The following XKR4 variants were observed in gnomAD, a reference collection of about 807,000 sequenced individuals.
XKR4 encodes the protein XK-related protein 4.
XKR4 carries 12 observed loss-of-function variants against 53.9 expected under a neutral mutation model. The observed-to-expected ratio is 0.22, with a 90% CI of 0.14 to 0.36. XKR4 has a LOEUF of 0.36. Ranked by LOEUF, XKR4 falls within the 10% of genes least tolerant of loss-of-function variation. The pLI, the probability that XKR4 is intolerant of heterozygous loss-of-function variation, is 1.00. For synonymous variants in XKR4, 354 were observed against 362.4 expected (o/e 0.98, Z 0.26); for missense variants, 799 against 859.5 (o/e 0.93, Z 0.88).
chr8:55,512,128 C>G (rs377155783), intron 2 of XKR4, among the ~76,000 whole-genome samples: 11 of 152,232 alleles, frequency 7.2e-5, no homozygotes, highest in African/African-American at 2.7e-4. Flanking sequence ...AGGCACGCAG[C>G]TCCAGAAGTG....
At chr8:55,234,599 A>T (rs1818092506) in intron 1 of XKR4, among the ~76,000 whole-genome samples, 1 of 152,008 alleles carries the variant, frequency 6.6e-6, no homozygotes, top group African/African-American at 2.4e-5. Flanking sequence ...AATTTGCATC[A>T]CTCCAGTAGT....
intron 2 of XKR4, among the ~76,000 whole-genome samples, chr8:55,449,164 A>C (rs183062023): frequency 1.1e-4 from 16 of 151,424 alleles, no homozygotes; most frequent in Non-Finnish European, 8.8e-5. Flanking sequence ...AGATTTATTT[A>C]TTTATTTATT....
At chr8:55,353,842 A>G (rs958525097) in intron 1 of XKR4, among the ~76,000 whole-genome samples, 14 of 152,172 alleles carry the variant, frequency 9.2e-5, no homozygotes, top group African/African-American at 3.4e-4. Flanking sequence ...GGTGGGAGAA[A>G]GAGATCTGCC....
At chr8:55,203,050 A>G (rs969882313) in intron 1 of XKR4, among the ~76,000 whole-genome samples, 3 of 152,224 alleles carry the variant, frequency 2.0e-5, no homozygotes, top group African/African-American at 7.2e-5. Flanking sequence ...GCAAGGTACA[A>G]ACAATTTCAG....
intron 1 of XKR4, among the ~76,000 whole-genome samples, chr8:55,231,895 A>G (rs995529021): frequency 2.6e-5 from 4 of 152,160 alleles, no homozygotes; most frequent in African/African-American, 9.7e-5. Context: ...GAGTTTAGAG[A>G]GCTTGAGATG....
chr8:55,429,246 T>C (rs954010264), intron 2 of XKR4, among the ~76,000 whole-genome samples: 2 of 152,220 alleles, frequency 1.3e-5, no homozygotes, highest in African/African-American at 4.8e-5. Context: ...ACCTTCAGCC[T>C]AAATCTCACT....
intron 2 of XKR4, among the ~76,000 whole-genome samples, chr8:55,462,126 T>C (rs1268345946): frequency 2.0e-5 from 3 of 151,998 alleles, no homozygotes; most frequent in African/African-American, 7.3e-5. Context: ...ACAGAGAATG[T>C]CACAAAGATA....
chr8:55,350,733 C>A (rs368615361), intron 1 of XKR4, among the ~76,000 whole-genome samples: 2 of 139,368 alleles, frequency 1.4e-5, no homozygotes, highest in African/African-American at 5.3e-5. Flanking sequence ...TTTTCTTTTT[C>A]TTTTCTTTTT....
chr8:55,136,644 C>T (rs953470962), intron 1 of XKR4, among the ~76,000 whole-genome samples: 4 of 152,054 alleles, frequency 2.6e-5, no homozygotes, highest in African/African-American at 9.7e-5. Flanking sequence ...CTTTTTTGCT[C>T]CCTAATAACA....
At chr8:55,363,800 C>T (rs1036624928) in intron 2 of XKR4, among the ~76,000 whole-genome samples, 1 of 152,150 alleles carries the variant, frequency 6.6e-6, no homozygotes, top group African/African-American at 2.4e-5. Flanking sequence ...GGGGTCTAGG[C>T]TCCAGGTCCC....
intron 1 of XKR4, among the ~76,000 whole-genome samples, chr8:55,232,327 C>T (rs1252045749): frequency 6.6e-6 from 1 of 152,212 alleles, no homozygotes; most frequent in African/African-American, 2.4e-5. Context: ...CCCATTAGCA[C>T]CCAGCTGCCA....
rs894943173 is a variant in XKR4 at position 55,129,397 on chromosome 8, C to A, written c.806+26103C>A. 1.2e-4 allele frequency among the ~76,000 whole-genome samples: 19 copies of A among 152,242 alleles called. 1 individual carries two copies. The highest frequency in any genetic ancestry group is 7.8e-4 in the Admixed American group (12 of 15,288). On this transcript the variant is annotated intron_variant, in intron 1 of 2. Coordinates refer to ENST00000327381, the MANE Select transcript of XKR4 (RefSeq NM_052898.2). ...AAACTGCCTTGCACTCTGAGCTGAA[C>A]CTCCTGATGAGGAGAGGTGGGGTTA...
intron 2 of XKR4, among the ~76,000 whole-genome samples, chr8:55,440,772 CAT>C (rs1805252484): frequency 1.3e-5 from 2 of 152,152 alleles, no homozygotes; most frequent in East Asian, 1.9e-4. Context: ...ACAATTAAAA[CAT>C]GAGAGCAATT....
rs141437030 is a variant in XKR4 at position 55,406,876 on chromosome 8, G to T, written c.1006+48999G>T. On this transcript the variant is annotated intron_variant, in intron 2 of 2. Transcript: ENST00000327381. ...GGCCTTTTACTTCTTTAGAGAGTCA[G>T]TACAGAAGGCAGGAAGACAGGGAAT... is the stretch of plus-strand genomic sequence containing the variant. Among the ~76,000 whole-genome samples, 241 of 152,340 alleles carry T rather than the reference G, an allele frequency of 1.6e-3. 5 individuals carry two copies. The South Asian group carries it at 0.04, about 26-fold the overall frequency.
At chr8:55,433,151 A>G (rs1805125945) in intron 2 of XKR4, among the ~76,000 whole-genome samples, 1 of 152,246 alleles carries the variant, frequency 6.6e-6, no homozygotes, top group South Asian at 2.1e-4. Flanking sequence ...ATTATTTCTT[A>G]TCATTCAAAA....
Position 55,480,693 on chromosome 8 carries a change from C to T in XKR4, c.1007-42588C>T, listed in dbSNP as rs1226464591. Among the ~76,000 whole-genome samples, 4 of 150,854 alleles carry T rather than the reference C, an allele frequency of 2.7e-5. 1 individual carries two copies. The highest frequency in any genetic ancestry group is 5.9e-5 in the Non-Finnish European group (4 of 67,930). On this transcript the variant is annotated intron_variant, in intron 2 of 2. Transcript: ENST00000327381. Reference sequence around the variant, plus strand: ...AAAATCTCCTTAAGCTGATAAGCAACTTCAGCAAAGACTCAGGATACAAAA... The same window carrying T: ...AAAATCTCCTTAAGCTGATAAGCAATTTCAGCAAAGACTCAGGATACAAAA...
intron 2 of XKR4, among the ~76,000 whole-genome samples, chr8:55,398,992 G>A (rs1347933782): frequency 1.3e-5 from 2 of 152,164 alleles, no homozygotes; most frequent in East Asian, 3.8e-4. Context: ...AAATTCAAAA[G>A]TTTAGTATTC....
At chr8:55,114,968 C>A (rs1168679665) in intron 1 of XKR4, among the ~76,000 whole-genome samples, 1 of 152,088 alleles carries the variant, frequency 6.6e-6, no homozygotes, top group South Asian at 2.1e-4. Flanking sequence ...TCATGGGCAT[C>A]CCCCCTAAAT....
chr8:55,468,287 G>A lies in XKR4; in HGVS notation c.1007-54994G>A, dbSNP rs183483839. On this transcript the variant is annotated intron_variant, in intron 2 of 2. Coordinates refer to ENST00000327381, the MANE Select transcript of XKR4 (RefSeq NM_052898.2). ...ACATCATTCTGTTAGCTTTCAGGAC[G>A]CAGCGTGTCAACTTCAATTATTTTT... Among the ~76,000 whole-genome samples the A allele has an allele frequency of 2.2e-4, 34 of 152,208 alleles. 1 individual carries two copies. Among genetic ancestry groups the A allele is most frequent in the Admixed American group, 1.9e-3 (29 of 15,284 alleles).
Sources: gnomAD v4.1 joint callset for allele counts (sites outside exome capture counted in the v4.1 genomes callset) on GRCh38, gnomAD v4.1.1 for gene constraint, MANE v1.5 for transcripts, NCBI Gene and HGNC (gene_info 2026-07-23, HGNC 2026-07-21) for gene names.